The following MYO16 variants were observed in gnomAD, a reference collection of about 807,000 sequenced individuals.
The protein encoded by MYO16 is unconventional myosin-XVI.
Under a neutral mutation model 205.3 loss-of-function variants are expected in MYO16, and 94 were observed. The observed-to-expected ratio is 0.46, with a 90% CI of 0.39 to 0.54. The LOEUF (loss-of-function observed/expected upper bound fraction) is 0.54, where lower values mean the gene tolerates loss of function less well. Ranked by LOEUF, MYO16 falls within the 20% of genes least tolerant of loss-of-function variation. The pLI is 0.00. For synonymous variants in MYO16, 988 were observed against 954.0 expected, an observed-to-expected ratio of 1.04 and a Z score of -0.66; for missense variants, 2,315 against 2,387.5, an observed-to-expected ratio of 0.97 and a Z score of 0.63.
At chr13:108,694,779 A>G (rs1883026205) in intron 2 of MYO16, among the ~76,000 whole-genome samples, 1 of 152,196 alleles carries the variant, frequency 6.6e-6, no homozygotes, top group Non-Finnish European at 1.5e-5. Flanking sequence ...TATCTGAGAA[A>G]CAATTACCAA....
intron 32 of MYO16, among the ~76,000 whole-genome samples, chr13:109,156,697 C>T (rs921421348): frequency 6.6e-6 from 1 of 152,144 alleles, no homozygotes; most frequent in Non-Finnish European, 1.5e-5. Flanking sequence ...CCAGCACTGA[C>T]GCTGTCAGCC....
intron 12 of MYO16, among the ~76,000 whole-genome samples, chr13:108,873,643 A>G (rs1015951857): frequency 7.7e-6 from 1 of 129,544 alleles, no homozygotes; most frequent in Non-Finnish European, 1.7e-5. Context: ...ACCAACCAGG[A>G]CAGGGTCCAT....
At chr13:108,596,740 G>A (rs868138463) in intron 1 of MYO16, among the ~76,000 whole-genome samples, 18 of 151,936 alleles carry the variant, frequency 1.2e-4, no homozygotes, top group South Asian at 2.1e-4. Flanking sequence ...GATGTGTTTT[G>A]CATATGTCAT....
chr13:108,573,500 T>G, the MYO16 span, among the ~76,000 whole-genome samples: 2 of 152,224 alleles, frequency 1.3e-5, no homozygotes, highest in Non-Finnish European at 2.9e-5. Context: ...GCTTATTAAC[T>G]GAATTATTCA....
intron 23 of MYO16, among the ~76,000 whole-genome samples, chr13:109,035,545 G>A (rs906862217): frequency 3.9e-5 from 6 of 152,236 alleles, no homozygotes; most frequent in South Asian, 2.1e-4. Context: ...TTAGCCGGGC[G>A]TGGTGGTGTA....
At chr13:108,959,634 G>A (rs148203434) in intron 17 of MYO16, among the ~76,000 whole-genome samples, 2 of 152,286 alleles carry the variant, frequency 1.3e-5, no homozygotes, top group East Asian at 3.9e-4. Context: ...AAGATTCAAA[G>A]GAAGGTATTT....
At chr13:108,769,106 T>G (rs553826075) in intron 4 of MYO16, among the ~76,000 whole-genome samples, 2 of 152,318 alleles carry the variant, frequency 1.3e-5, no homozygotes, top group African/African-American at 4.8e-5. Flanking sequence ...GGGTATACTA[T>G]CAGTTAGTAA....
At chr13:108,741,036 G>T (rs1449078005) in intron 4 of MYO16, among the ~76,000 whole-genome samples, 2 of 152,096 alleles carry the variant, frequency 1.3e-5, no homozygotes, top group Non-Finnish European at 2.9e-5. Flanking sequence ...GTCTGTCATG[G>T]CTTCCCTTGG....
chr13:109,073,612 T>C (rs1887996298), intron 27 of MYO16, among the ~76,000 whole-genome samples: 1 of 152,180 alleles, frequency 6.6e-6, no homozygotes, highest in Non-Finnish European at 1.5e-5. Context: ...AATAGGGTGA[T>C]TTGGTGTGTG....
At chr13:108,698,902 T>G (rs1469412705) in intron 2 of MYO16, among the ~76,000 whole-genome samples, 1 of 152,094 alleles carries the variant, frequency 6.6e-6, no homozygotes, top group East Asian at 1.9e-4. Flanking sequence ...TTCATCACAG[T>G]TTTACAAATG....
chr13:108,816,420 C>G (rs530584626), intron 7 of MYO16, among the ~76,000 whole-genome samples: 1 of 143,972 alleles, frequency 6.9e-6, no homozygotes, highest in South Asian at 2.3e-4. Flanking sequence ...GCGCCCCCCA[C>G]CCACCCCAAG....
At chr13:108,690,692 T>C (rs760676897) in intron 2 of MYO16, among the ~76,000 whole-genome samples, 9 of 152,168 alleles carry the variant, frequency 5.9e-5, no homozygotes, top group Non-Finnish European at 1.2e-4. Flanking sequence ...GTAATAAACA[T>C]CAGTGTGGCC....
At chr13:108,753,383 A>AAAAAAAAAAAAAAAAAAAAAAAAAAC (rs1885314493) in intron 4 of MYO16, among the ~76,000 whole-genome samples, 1 of 147,720 alleles carries the variant, frequency 6.8e-6, no homozygotes, top group African/African-American at 2.7e-5. Context: ...AAAAAAAAAA[A>AAAAAAAAAAAAAAAAAAAAAAAAAAC]AAAAAAAAAA....
intron 4 of MYO16, among the ~76,000 whole-genome samples, chr13:108,779,028 T>C (rs1470724474): frequency 1.3e-5 from 2 of 152,052 alleles, no homozygotes; most frequent in Admixed American, 1.3e-4. Context: ...AGTGCCAGAG[T>C]CTTGGCCACT....
chr13:108,638,445 A>G (rs568182054), intron 1 of MYO16, among the ~76,000 whole-genome samples: 3 of 152,164 alleles, frequency 2.0e-5, no homozygotes, highest in Admixed American at 2.0e-4. Context: ...ATACCTTTCC[A>G]CTCAAATATA....
chr13:109,091,147 C>T (rs1325870207), intron 27 of MYO16, among the ~76,000 whole-genome samples: 1 of 152,122 alleles, frequency 6.6e-6, no homozygotes, highest in Non-Finnish European at 1.5e-5. Flanking sequence ...CATATGTAGC[C>T]ATGGGCAGAC....
At position 109,047,014 on chromosome 13, in the gene MYO16, C is replaced by T. The variant is rs557514576; in HGVS notation, c.2872+23C>T. The T allele has an allele frequency of 4.3e-5, 65 of 1,519,488 alleles. 2 individuals carry two copies. In the South Asian group the frequency reaches 7.0e-4, roughly 16 times the overall value. The allele number at this position is 1,519,488 out of a possible 1,614,324, so 94.1% of individuals were successfully genotyped here. Reference sequence around the variant, plus strand: ...AAAGTAAGTTGATTTTTTTTCCTGCCCTACACTGGTTAAAATGCCATGCAT... The same window carrying T: ...AAAGTAAGTTGATTTTTTTTCCTGCTCTACACTGGTTAAAATGCCATGCAT... On this transcript the variant is annotated intron_variant, in intron 24 of 34. Transcript: ENST00000457511.
intron 1 of MYO16, among the ~76,000 whole-genome samples, chr13:108,657,115 T>C (rs1881279758): frequency 6.6e-6 from 1 of 152,268 alleles, no homozygotes; most frequent in African/African-American, 2.4e-5. Context: ...GAAATGTTAC[T>C]ACATACTGTA....
chr13:109,141,488 C>A lies in MYO16; in HGVS notation c.5164+112C>A. 1.3e-6 allele frequency: 1 copy of A among 751,222 alleles called. No individual in the cohort carries two copies. Among genetic ancestry groups the A allele is most frequent in the Non-Finnish European group, 1.9e-6 (1 of 516,590 alleles). The allele number at this position is 751,222 out of a possible 1,614,324, so 46.5% of individuals were successfully genotyped here. A position where few individuals can be genotyped will look rare whatever the true frequency, so the allele number is the denominator to read the frequency against. On this transcript the variant is annotated intron_variant, in intron 32 of 34. Coordinates refer to ENST00000457511, the MANE Select transcript of MYO16 (RefSeq NM_001198950.3). The surrounding 1 kb of genome is among the most constrained non-coding windows in gnomAD (Gnocchi z 4.1). ...AAATAGTAAAGTTTCAGGTGATGGC[C>A]GTGGTCGTTCAGAGCAGATATCAGC...
Sources: allele counts gnomAD v4.1 joint callset (sites outside exome capture counted in the v4.1 genomes callset), GRCh38; gene constraint gnomAD v4.1.1; non-coding constraint Gnocchi (gnomAD v3.1); transcripts MANE v1.5; gene names NCBI Gene and HGNC (gene_info 2026-07-23, HGNC 2026-07-21).